ITGA5: variants seen among roughly 807,000 people sequenced by gnomAD.
The protein encoded by ITGA5 is integrin alpha-5.
In ITGA5, 55 loss-of-function variants were observed where a neutral mutation model predicts 146.3. The ratio of observed to expected loss-of-function variants is 0.38; its 90% CI spans 0.30 to 0.47. The LOEUF is 0.47. Ranked by LOEUF, ITGA5 falls within the 20% of genes least tolerant of loss-of-function variation. The pLI is 0.99. For synonymous variants in ITGA5, 500 were observed against 531.8 expected, an observed-to-expected ratio of 0.94 and a Z score of 0.82; for missense variants, 1,131 against 1,329.0, an observed-to-expected ratio of 0.85 and a Z score of 2.32.
Position 54,402,193 on chromosome 12 carries a change from A to G in ITGA5, c.2120T>C (p.Val707Ala), listed in dbSNP as rs961412174. The change falls in exon 20 of 30, where the codon GTC (valine) becomes GCC (alanine). Residue 707 changes from valine (V) to alanine (A), a missense_variant. This residue lies in a region of ITGA5 where 889 missense variants were observed against 1,021.5 expected (regional missense o/e 0.87). Transcript: ENST00000293379. Reference protein sequence around the residue: ...APPEAEYSGLVRHPGNFSSLS... With the variant: ...APPEAEYSGLARHPGNFSSLS... ...GTCTCATCTCACCCCTGGGTGTCTG[A>G]CGAGTCCTGAGTACTCAGCCTCTGG... is the stretch of plus-strand genomic sequence containing the variant. The G allele has an allele frequency of 1.9e-6, 3 of 1,613,426 alleles. No individual in the cohort carries two copies. In the African/African-American group the frequency reaches 4.0e-5, roughly 22 times the overall value.
Position 54,402,074 on chromosome 12 carries a change from C to T in ITGA5, c.2153G>A (p.Cys718Tyr), listed in dbSNP as rs747278825. ...RHPGNFSSLS[C>Y]DYFAVNQSRL... ...GCTCTGGTTCACGGCAAAGTAGTCA[C>T]AGCTCAGGCTGGAGAAGTTCTGGAG... is the stretch of plus-strand genomic sequence containing the variant. The change falls in exon 21 of 30, where the codon TGT (cysteine) becomes TAT (tyrosine). Residue 718 changes from cysteine to tyrosine, a missense_variant. Transcript: ENST00000293379. The T allele has an allele frequency of 1.9e-6, 3 of 1,614,192 alleles. No individual in the cohort carries two copies. Among genetic ancestry groups the T allele is most frequent in the Non-Finnish European group, 2.5e-6 (3 of 1,180,036 alleles).
Position 54,409,318 on chromosome 12 carries a change from T to C in ITGA5, c.497A>G (p.Lys166Arg), listed in dbSNP as rs1592290744. The C allele has an allele frequency of 6.2e-7, 1 of 1,613,646 alleles. No homozygotes were observed. Residue 166 changes from lysine to arginine, a missense_variant, in exon 4 of 30, where the codon AAG (lysine) becomes AGG (arginine). By Grantham distance (26) the Lys-to-Arg change is conservative (BLOSUM62 2). Transcript: ENST00000293379. This position sits in a 1 kb window ranked among gnomAD's most constrained non-coding sequence, Gnocchi z 4.7. Reference protein sequence around the residue: ...CAPLYSWRTEKEPLSDPVGTC... With the variant: ...CAPLYSWRTEREPLSDPVGTC... The stretch of plus-strand genomic sequence containing the variant: ...GCCCACGGGGTCGCTCAGTGGCTCC[T>C]TCTCTGTGCGCCAGCTGTACAGTGG...
In ITGA5 at chr12:54,411,968, T is replaced by G. The variant is rs770222888; in HGVS notation, c.219-4A>C. The G allele has an allele frequency of 1.9e-6, 3 of 1,579,010 alleles. No homozygotes were observed. The highest frequency in any genetic ancestry group is 2.6e-6 in the Non-Finnish European group (3 of 1,163,414). On this transcript the variant is annotated splice_polypyrimidine_tract_variant and splice_region_variant and intron_variant, in intron 1 of 29. Coordinates refer to ENST00000293379, the MANE Select transcript of ITGA5 (RefSeq NM_002205.5). The stretch of plus-strand genomic sequence containing the variant: ...TGCTCCCACCAGCACACTGACCCTG[T>G]GGGGGGGAAAAGCGAGGCAGTTGAG...
At position 54,398,620 on chromosome 12, in the gene ITGA5, G is replaced by T; in HGVS notation, c.2920C>A (p.Gln974Lys). ...LKMPYRILPR[Q>K]LPQKERQVAT... ...ACCTGACGCTCTTTTTGGGGCAGCT[G>T]CCGAGGCAGGATTCGGTAGGGCATC... Residue 974 changes from glutamine to lysine, a missense_variant, in exon 28 of 30, where the codon CAG becomes AAG. This residue lies in a region of ITGA5 where 889 missense variants were observed against 1,021.5 expected (regional missense o/e 0.87). Coordinates refer to ENST00000293379, the MANE Select transcript of ITGA5 (RefSeq NM_002205.5). The T allele has an allele frequency of 6.2e-7, 1 of 1,611,050 alleles. No individual in the cohort carries two copies. The highest frequency in any genetic ancestry group is 8.5e-7 in the Non-Finnish European group (1 of 1,178,756).
chr12:54,416,269 C>T lies in ITGA5; in HGVS notation c.218+2712G>A, dbSNP rs61521653. Reference sequence around the variant, plus strand: ...ATTTTTAGTAGAGATGGGGTTTCACCATGTTGGCCAGGCTGGTCTCGAACT... The same window carrying T: ...ATTTTTAGTAGAGATGGGGTTTCACTATGTTGGCCAGGCTGGTCTCGAACT... On this transcript the variant is annotated intron_variant, in intron 1 of 29. Coordinates refer to ENST00000293379, the MANE Select transcript of ITGA5 (RefSeq NM_002205.5). This position sits in a 1 kb window ranked among gnomAD's most constrained non-coding sequence, Gnocchi z 4.1. Among the ~76,000 whole-genome samples, 253 of 152,260 alleles carry T rather than the reference C, an allele frequency of 1.7e-3. 2 individuals are homozygous for T. Among genetic ancestry groups the T allele is most frequent in the African/African-American group, 5.5e-3 (228 of 41,544 alleles).
At chr12:54,414,866 C>T (rs1365021790) in intron 1 of ITGA5, among the ~76,000 whole-genome samples, 1 of 138,334 alleles carries the variant, frequency 7.2e-6, no homozygotes, top group Non-Finnish European at 1.5e-5. Flanking sequence ...ACAACAACAA[C>T]GGCCAGGCGT....
rs200224397 is a variant in ITGA5, at chr12:54,402,224, C to G, written c.2089G>C (p.Ala697Pro). The change falls in exon 20 of 30, where the codon GCC becomes CCC. Residue 697 changes from alanine (A) to proline (P), a missense_variant. Coordinates refer to ENST00000293379, the MANE Select transcript of ITGA5 (RefSeq NM_002205.5). ...GAYEAELRVT[A>P]PPEAEYSGLV... ...CCTGAGTACTCAGCCTCTGGAGGGG[C>G]GGTGACCCGAAGCTCAGCCTCATAG... 4 of 1,614,044 alleles carry G rather than the reference C, an allele frequency of 2.5e-6. No individual in the cohort carries two copies. The highest frequency in any genetic ancestry group is 1.7e-6 in the Non-Finnish European group (2 of 1,179,956).
In ITGA5 at chr12:54,403,112, C is replaced by T; in HGVS notation, c.1915-62G>A. The T allele has an allele frequency of 6.2e-7, 1 of 1,608,356 alleles. No homozygotes were observed. The highest frequency in any genetic ancestry group is 1.1e-5 in the South Asian group (1 of 90,448). On this transcript the variant is annotated intron_variant, in intron 18 of 29. Coordinates refer to ENST00000293379, the MANE Select transcript of ITGA5 (RefSeq NM_002205.5). The surrounding 1 kb of genome is among the most constrained non-coding windows in gnomAD (Gnocchi z 4.9). ...ACCCATTCCTGGGCTGTAGGCTCTT[C>T]TCTTTCCATGGCCCTGCCCCCCCAA... is the stretch of plus-strand genomic sequence containing the variant.
chr12:54,405,636 C>A, intron 11 of ITGA5, 28 bp downstream of exon 11: 1 of 1,595,156 alleles, frequency 6.3e-7, no homozygotes, highest in East Asian at 2.2e-5. Flanking sequence ...GGGAGGGTAT[C>A]ACAGTGCGCT....
chr12:54,403,654 C>T lies in ITGA5; in HGVS notation c.1747G>A (p.Asp583Asn). ...TLLIQNGARE[D>N]CREMKIYLRN... is the part of the protein sequence containing the mutation. ...AGGTAGATCTTCATCTCTCTGCAAT[C>T]CTCTCGAGCCCCATTCTGGATGAGC... The change falls in exon 17 of 30, where the codon GAT (aspartate) becomes AAT (asparagine). Residue 583 changes from aspartate (D) to asparagine (N), a missense_variant. Transcript: ENST00000293379. This position sits in a 1 kb window ranked among gnomAD's most constrained non-coding sequence, Gnocchi z 4.9. The T allele has an allele frequency of 1.2e-6, 2 of 1,614,122 alleles. No homozygotes were observed. Among genetic ancestry groups the T allele is most frequent in the East Asian group, 4.5e-5 (2 of 44,890 alleles).
In ITGA5 at chr12:54,403,523, C is replaced by A; in HGVS notation, c.1776+102G>T. The A allele has an allele frequency of 7.2e-7, 1 of 1,391,430 alleles. No homozygotes were observed. Among genetic ancestry groups the A allele is most frequent in the Non-Finnish European group, 9.8e-7 (1 of 1,023,838 alleles). The allele number at this position is 1,391,430 out of a possible 1,614,324, so 86.2% of individuals were successfully genotyped here. A position where few individuals can be genotyped will look rare whatever the true frequency, so the allele number is the denominator to read the frequency against. On this transcript the variant is annotated intron_variant, in intron 17 of 29. Transcript: ENST00000293379. The surrounding 1 kb of genome is among the most constrained non-coding windows in gnomAD (Gnocchi z 4.9). ...TCTCAGCCCCTACAAGAGTCCCAAG[C>A]CCTTCACTGGAGTCCCCCAGTCTTT... is the stretch of plus-strand genomic sequence containing the variant.
intron 9 of ITGA5, 94 bp downstream of exon 9, chr12:54,407,555 G>T: frequency 9.7e-7 from 1 of 1,035,686 alleles, no homozygotes; most frequent in South Asian, 1.3e-5. Context: ...CCCATGTTCT[G>T]ATCCACCTTT....
intron 1 of ITGA5, among the ~76,000 whole-genome samples, chr12:54,417,203 ACAGAC>A (rs1439316536): frequency 6.6e-6 from 1 of 151,966 alleles, no homozygotes; most frequent in African/African-American, 2.4e-5. Flanking sequence ...CAGGGGCCAG[ACAGAC>A]ACCTAGGGGA....
At chr12:54,398,783 A>G in intron 27 of ITGA5, 85 bp from the exon 28 acceptor site, 1 of 662,538 alleles carries the variant, frequency 1.5e-6, no homozygotes, top group Non-Finnish European at 2.4e-6. Context: ...TGGGGTTGTG[A>G]TCTTTCCCTA....
At chr12:54,398,732 C>T (rs1565637639) in intron 27 of ITGA5, 34 bp from the exon 28 acceptor site, 1 of 1,454,006 alleles carries the variant, frequency 6.9e-7, no homozygotes, top group Non-Finnish European at 9.5e-7. Flanking sequence ...AGCACATCCT[C>T]TCTTGGGATC....
At position 54,401,123 on chromosome 12, in the gene ITGA5, C is replaced by A; in HGVS notation, c.2494-128G>T. 9.9e-7 allele frequency: 1 copy of A among 1,009,720 alleles called. No homozygotes were observed. Among genetic ancestry groups the A allele is most frequent in the Non-Finnish European group, 1.4e-6 (1 of 690,812 alleles). 62.5% of individuals were successfully genotyped at this position (1,009,720 alleles called of 1,614,324 possible). ...CTATCTCAGAGATGAAGCAGGGAAG[C>A]AATGGGCAGAGGTGAAATCCTCTCT... On this transcript the variant is annotated intron_variant, in intron 24 of 29. Coordinates refer to ENST00000293379, the MANE Select transcript of ITGA5 (RefSeq NM_002205.5). This position sits in a 1 kb window ranked among gnomAD's most constrained non-coding sequence, Gnocchi z 5.0.
chr12:54,409,366 G>A lies in ITGA5; in HGVS notation c.463-14C>T, dbSNP rs774859269. Reference sequence around the variant, plus strand: ...TGGAGCGCATGCCTGGGAGGGCCCAGGAGGAGGGGCCTTCAGATTCAGTCC... The same window carrying A: ...TGGAGCGCATGCCTGGGAGGGCCCAAGAGGAGGGGCCTTCAGATTCAGTCC... On this transcript the variant is annotated splice_polypyrimidine_tract_variant and intron_variant, in intron 3 of 29. Coordinates refer to ENST00000293379, the MANE Select transcript of ITGA5 (RefSeq NM_002205.5). The surrounding 1 kb of genome is among the most constrained non-coding windows in gnomAD (Gnocchi z 4.7). 57 of 1,610,828 alleles carry A rather than the reference G, an allele frequency of 3.5e-5. No homozygotes were observed. The highest frequency in any genetic ancestry group is 4.8e-5 in the Non-Finnish European group (56 of 1,178,748).
At chr12:54,414,109 G>T in intron 1 of ITGA5, among the ~76,000 whole-genome samples, 1 of 152,240 alleles carries the variant, frequency 6.6e-6, no homozygotes, top group Middle Eastern at 3.2e-3. Flanking sequence ...AAGGGACACA[G>T]ACCTAGGCCT....
In ITGA5 at chr12:54,401,416, T is replaced by C. The variant is rs1307925782; in HGVS notation, c.2450A>G (p.Gln817Arg). Residue 817 changes from glutamine to arginine, a missense_variant, in exon 24 of 30, where the codon CAG becomes CGG. By Grantham distance (43) the Gln-to-Arg change is conservative. Around this residue, in one of 3 missense-constraint regions of ITGA5, gnomAD observed 889 missense variants for 1,021.5 expected, o/e 0.87. Transcript: ENST00000293379. The surrounding 1 kb of genome is among the most constrained non-coding windows in gnomAD (Gnocchi z 5.0). The part of the protein sequence containing the change: ...VSDWHPRDQP[Q>R]KEEDLGPAVH... ...AGCAGGTCCCAGGTCCTCCTCCTTC[T>C]GAGGCTGGTCTCGGGGATGCCAGTC... 6.2e-7 allele frequency: 1 copy of C among 1,613,946 alleles called. No individual in the cohort carries two copies. The highest frequency in any genetic ancestry group is 1.7e-5 in the Admixed American group (1 of 60,012).
Sources: gnomAD v4.1 joint callset for allele counts (sites outside exome capture counted in the v4.1 genomes callset) on GRCh38, gnomAD v4.1.1 for gene constraint, gnomAD v4.1.1 regional missense constraint, Gnocchi (gnomAD v3.1) non-coding constraint, MANE v1.5 for transcripts, NCBI Gene and HGNC (gene_info 2026-07-23, HGNC 2026-07-21) for gene names.